PPL: variants seen among roughly 807,000 people sequenced by gnomAD.
The protein encoded by PPL is periplakin.
A neutral mutation model predicts 194.4 loss-of-function variants in PPL; 198 were observed. The observed-to-expected ratio is 1.02, with a 90% CI of 0.91 to 1.15. The LOEUF (loss-of-function observed/expected upper bound fraction) is 1.15. PPL is among the 50% of genes most tolerant of loss of function. PPL has a pLI of 0.00. For missense variants in PPL, 2,885 were observed against 2,294.8 expected (o/e 1.26, Z -5.25); for synonymous variants, 1,220 against 972.4 (o/e 1.25, Z -4.74).
At chr16:4,895,454 C>G (rs760971696) in intron 10 of PPL, 47 bp from the exon 11 acceptor site, 1 of 1,607,260 alleles carries the variant, frequency 6.2e-7, no homozygotes, top group South Asian at 1.1e-5. Context: ...ACAGCCTTCC[C>G]CCTGGTGGGA....
Position 4,892,095 on chromosome 16 carries a change from A to G in PPL, c.1769T>C (p.Val590Ala). 6.2e-7 allele frequency: 1 copy of G among 1,613,706 alleles called. No homozygotes were observed. The highest frequency in any genetic ancestry group is 8.5e-7 in the Non-Finnish European group (1 of 1,180,004). The change falls in exon 15 of 22, where the codon GTG becomes GCG. Residue 590 changes from valine to alanine, a missense_variant. Physicochemically the swap from Val to Ala is moderately conservative, Grantham distance 64. Coordinates refer to ENST00000345988, the MANE Select transcript of PPL (RefSeq NM_002705.5). The stretch of plus-strand genomic sequence containing the variant: ...CTCGTATTTCCGGTTGGTGTCCTCC[A>G]CCCGGGTCCTCAGCAGGGGTGTGGT... ...SGTTPLLRTR[V>A]EDTNRKYEHL...
At position 4,900,648 on chromosome 16, in the gene PPL, G is replaced by C. The variant is rs546643430; in HGVS notation, c.606+182C>G. Among the ~76,000 whole-genome samples the C allele has an allele frequency of 7.2e-4, 110 of 151,900 alleles. 1 individual carries two copies. Among genetic ancestry groups the C allele is most frequent in the African/African-American group, 2.6e-3 (107 of 41,446 alleles). On this transcript the variant is annotated intron_variant, in intron 6 of 21. Coordinates refer to ENST00000345988, the MANE Select transcript of PPL (RefSeq NM_002705.5). ...AGCTGGAGTCTCACTATGTTGCCCAGGTTGGTCTCAAACTCGTGGGCTCAA... is the reference window on the plus strand; with the variant it reads ...AGCTGGAGTCTCACTATGTTGCCCACGTTGGTCTCAAACTCGTGGGCTCAA...
At chr16:4,920,359 G>GAA (rs1311593249) in intron 1 of PPL, among the ~76,000 whole-genome samples, 2 of 71,612 alleles carry the variant, frequency 2.8e-5, no homozygotes, top group Non-Finnish European at 9.3e-5. Flanking sequence ...AAGAAAGAAA[G>GAA]AAAGAAAGAA....
intron 2 of PPL, 114 bp downstream of exon 2, chr16:4,910,736 C>T: frequency 1.1e-6 from 1 of 936,914 alleles, no homozygotes; most frequent in East Asian, 2.4e-5. Flanking sequence ...CTGCATGTTC[C>T]CTCGGGGCCA....
chr16:4,897,879 C>T (rs1044993390), intron 8 of PPL, 109 bp from the exon 9 acceptor site: 1 of 845,524 alleles, frequency 1.2e-6, no homozygotes, highest in African/African-American at 1.7e-5. Context: ...AGGCATCTGG[C>T]ATCTGTCTGG....
chr16:4,888,036 TC>T, intron 20 of PPL, 65 bp downstream of exon 20: 1 of 1,172,376 alleles, frequency 8.5e-7, no homozygotes, highest in South Asian at 1.2e-5. Context: ...GACACCATGC[TC>T]CCTGGGGAGC....
chr16:4,900,041 C>T (rs981296356), intron 6 of PPL, among the ~76,000 whole-genome samples: 3 of 152,090 alleles, frequency 2.0e-5, no homozygotes, highest in Non-Finnish European at 4.4e-5. Flanking sequence ...AACTGAGGCT[C>T]CCGGAGGCTA....
chr16:4,932,746 T>C (rs961652842), intron 1 of PPL, among the ~76,000 whole-genome samples: 1 of 152,054 alleles, frequency 6.6e-6, no homozygotes, highest in African/African-American at 2.4e-5. Context: ...CAGTGTGTGC[T>C]TCCTAGTATT....
intron 18 of PPL, among the ~76,000 whole-genome samples, chr16:4,889,676 C>A (rs989368561): frequency 3.9e-5 from 6 of 152,158 alleles, no homozygotes; most frequent in African/African-American, 1.4e-4. Context: ...CTTAGATTAT[C>A]TCATTTAATC....
At chr16:4,915,218 TGACCA>T (rs1428025095) in intron 1 of PPL, among the ~76,000 whole-genome samples, 3 of 152,210 alleles carry the variant, frequency 2.0e-5, no homozygotes, top group Non-Finnish European at 2.9e-5. Flanking sequence ...TGTGGGGCAA[TGACCA>T]CTGCCTCAGG....
At chr16:4,919,675 A>G (rs985143924) in intron 1 of PPL, among the ~76,000 whole-genome samples, 4 of 152,080 alleles carry the variant, frequency 2.6e-5, no homozygotes, top group Non-Finnish European at 5.9e-5. Context: ...CACACCTGTA[A>G]TCCCACCACT....
At position 4,889,022 on chromosome 16, in the gene PPL, G is replaced by A. The variant is rs200193092; in HGVS notation, c.2353C>T (p.Gln785Ter). 1.3e-5 allele frequency: 21 copies of A among 1,613,652 alleles called. No individual in the cohort carries two copies. Among genetic ancestry groups the A allele is most frequent in the Middle Eastern group, 1.7e-4 (1 of 5,892 alleles). ...DEIASREQEV[Q>*]KICANSQQYQ... ...TGCTGGGAATTGGCACAGATCTTCT[G>A]TACTTCCTGCTCCCTACTTGCTATC... The change falls in exon 19 of 22, where the codon CAG (glutamine) becomes TAG (stop). Residue 785 changes from glutamine to a stop codon, truncating the protein, a stop_gained. Transcript: ENST00000345988. LOFTEE classifies it high-confidence loss of function.
Position 4,894,619 on chromosome 16 carries a change from C to T in PPL, c.1243-1G>A, listed in dbSNP as rs1428377413. 6.2e-7 allele frequency: 1 copy of T among 1,612,314 alleles called. No homozygotes were observed. Among genetic ancestry groups the T allele is most frequent in the Non-Finnish European group, 8.5e-7 (1 of 1,179,766 alleles). The stretch of plus-strand genomic sequence containing the variant: ...AGCTGTAGCCCCGCGAGATCAGGCC[C>T]TGGCGGGGGCAGGCTGGACAGTCAG... On this transcript the variant is annotated splice_acceptor_variant, in intron 11 of 21. Coordinates refer to ENST00000345988, the MANE Select transcript of PPL (RefSeq NM_002705.5). LOFTEE classifies it high-confidence loss of function.
At chr16:4,892,234 C>G (rs770210891) in intron 14 of PPL, 21 bp from the exon 15 acceptor site, 3 of 1,598,736 alleles carry the variant, frequency 1.9e-6, no homozygotes, top group South Asian at 2.2e-5. Flanking sequence ...CAGGGCCCCT[C>G]AGTTTTGGAC....
rs1411283435 is a variant in PPL at position 4,883,405 on chromosome 16, G to C, written c.5250C>G (p.Val1750=). 3 of 1,614,120 alleles carry C rather than the reference G, an allele frequency of 1.9e-6. No individual in the cohort carries two copies. Among genetic ancestry groups the C allele is most frequent in the Admixed American group, 1.7e-5 (1 of 60,018 alleles). ...GTGCCTACTTCTGCCCAGATACCAA[G>C]ACCGCCAGCTCCTGGATGGACATAT... ...NKDMSIQELA[V]LVSGQK is the part of the protein sequence containing the mutation. The change falls in exon 22 of 22, where the codon GTC becomes GTG. Residue 1750 remains valine (V), a synonymous_variant. Coordinates refer to ENST00000345988, the MANE Select transcript of PPL (RefSeq NM_002705.5). The surrounding 1 kb of genome is among the most constrained non-coding windows in gnomAD (Gnocchi z 4.8).
chr16:4,910,321 C>T (rs1052642288), intron 2 of PPL, among the ~76,000 whole-genome samples: 5 of 152,236 alleles, frequency 3.3e-5, no homozygotes, highest in African/African-American at 4.8e-5. Flanking sequence ...TAGCCCTGTC[C>T]TATACCTGCA....
intron 1 of PPL, among the ~76,000 whole-genome samples, chr16:4,929,186 T>C (rs2089197733): frequency 6.9e-6 from 1 of 145,452 alleles, no homozygotes; most frequent in African/African-American, 2.8e-5. Context: ...CCTCAAGGCC[T>C]TTCTGTGTTC....
chr16:4,892,254 C>T (rs1388233545), intron 14 of PPL, 41 bp from the exon 15 acceptor site: 2 of 1,583,372 alleles, frequency 1.3e-6, no homozygotes, highest in East Asian at 2.3e-5. Context: ...CACAGCCAGG[C>T]AGCCCCTTCC....
chr16:4,884,556 C>T lies in PPL; in HGVS notation c.4099G>A (p.Glu1367Lys), dbSNP rs755755128. 5.0e-6 allele frequency: 8 copies of T among 1,613,788 alleles called. No individual in the cohort carries two copies. The highest frequency in any genetic ancestry group is 1.7e-5 in the Admixed American group (1 of 59,954). The change falls in exon 22 of 22, where the codon GAG becomes AAG. Residue 1367 changes from glutamate to lysine, a missense_variant. Coordinates refer to ENST00000345988, the MANE Select transcript of PPL (RefSeq NM_002705.5). The surrounding 1 kb of genome is among the most constrained non-coding windows in gnomAD (Gnocchi z 5.7). ...RYEEEPGLRA[E>K]ASAFAESIDV... ...ATGCTCTCGGCAAAGGCGCTCGCCTCGGCCCGCAGGCCTGGCTCCTCCTCA... is the reference window on the plus strand; with the variant it reads ...ATGCTCTCGGCAAAGGCGCTCGCCTTGGCCCGCAGGCCTGGCTCCTCCTCA...
Sources: gnomAD v4.1 joint callset for allele counts (sites outside exome capture counted in the v4.1 genomes callset) on GRCh38, gnomAD v4.1.1 for gene constraint, Gnocchi (gnomAD v3.1) non-coding constraint, MANE v1.5 for transcripts, NCBI Gene and HGNC (gene_info 2026-07-23, HGNC 2026-07-21) for gene names.